The following NF2 variants were observed in gnomAD, a reference collection of about 807,000 sequenced individuals.
NF2 encodes merlin.
A neutral mutation model predicts 83.7 loss-of-function variants in NF2; 8 were observed. The ratio of observed to expected loss-of-function variants is 0.10; its 90% confidence interval spans 0.06 to 0.17. NF2 has a LOEUF of 0.17. NF2 is among the 10% of genes least tolerant of loss of function. The pLI is 1.00. For missense variants in NF2, 533 were observed against 744.4 expected (o/e 0.72, Z 3.31); for synonymous variants, 266 against 269.6 (o/e 0.99, Z 0.13).
chr22:29,612,899 C>T (rs1003010598), intron 1 of NF2, among the ~76,000 whole-genome samples: 1 of 151,590 alleles, frequency 6.6e-6, no homozygotes, highest in Non-Finnish European at 1.5e-5. Flanking sequence ...AGTTCAAGAC[C>T]AGCCTGGCCA....
In NF2 at chr22:29,639,074, C is replaced by T. The variant is rs770116644; in HGVS notation, c.241-16C>T. The T allele has an allele frequency of 1.2e-6, 2 of 1,614,194 alleles. No individual in the cohort carries two copies. The highest frequency in any genetic ancestry group is 2.2e-5 in the East Asian group (1 of 44,888). ...GCCAATATAGTGTGTTTGTCTTTTG[C>T]TCTGCAATTCTGCAGGTACTGGATC... On this transcript the variant is annotated splice_polypyrimidine_tract_variant and intron_variant, in intron 2 of 15. Transcript: ENST00000338641.
At chr22:29,682,241 A>G (rs977170877) in intron 15 of NF2, among the ~76,000 whole-genome samples, 8 of 152,130 alleles carry the variant, frequency 5.3e-5, no homozygotes, top group African/African-American at 1.9e-4. Context: ...GGGTCCTCTC[A>G]TACCAAATAA....
chr22:29,608,065 C>T lies in NF2; in HGVS notation c.114+3953C>T, dbSNP rs1315397104. On this transcript the variant is annotated intron_variant, in intron 1 of 15. Transcript: ENST00000338641. ...GCCGGCACCTGTAGTCCCAGCTACG[C>T]GGGAGGCTGAGGCAGGAGAATTCCT... 5.8e-5 allele frequency among the ~76,000 whole-genome samples: 8 copies of T among 136,796 alleles called. No homozygotes were observed. In the South Asian group the frequency reaches 1.3e-3, roughly 22 times the overall value. 89.7% of individuals were successfully genotyped at this position (136,796 alleles called of 152,430 possible).
Position 29,696,066 on chromosome 22 carries a change from CTTTTTTTT to C in NF2, c.*1280_*1287del, listed in dbSNP as rs886057354. 10 of 155,950 alleles carry C rather than the reference CTTTTTTTT, an allele frequency of 6.4e-5. No homozygotes were observed. The highest frequency in any genetic ancestry group is 2.9e-4 in the South Asian group (1 of 3,502). 9.7% of individuals were successfully genotyped at this position (155,950 alleles called of 1,614,324 possible). A position where few individuals can be genotyped will look rare whatever the true frequency, so the allele number is the denominator to read the frequency against. ...GTCTGGGGCCACCTTCTTGCCCTTTCTTTTTTTTTTTTTTTTTTTTTTTCCGAGATGGA... is the reference window on the plus strand; with the variant it reads ...GTCTGGGGCCACCTTCTTGCCCTTTCTTTTTTTTTTTTTTTCCGAGATGGA... On this transcript the variant is annotated 3_prime_UTR_variant, in exon 16 of 16. Coordinates refer to ENST00000338641, the MANE Select transcript of NF2 (RefSeq NM_000268.4).
At chr22:29,607,486 T>G (rs1472780475) in intron 1 of NF2, among the ~76,000 whole-genome samples, 1 of 152,164 alleles carries the variant, frequency 6.6e-6, no homozygotes, top group African/African-American at 2.4e-5. Context: ...GAAATGGATT[T>G]CACTCAAATA....
intron 1 of NF2, among the ~76,000 whole-genome samples, chr22:29,621,072 T>C (rs1260778382): frequency 2.0e-5 from 3 of 152,142 alleles, no homozygotes; most frequent in African/African-American, 7.2e-5. Context: ...AGTGAGAGAA[T>C]AGGGAGAATA....
chr22:29,652,080 G>A (rs919974743), intron 4 of NF2, among the ~76,000 whole-genome samples: 11 of 152,028 alleles, frequency 7.2e-5, no homozygotes, highest in Non-Finnish European at 1.3e-4. Context: ...TCCCCTATAA[G>A]GCAGATGCTA....
rs753300935 is a variant in NF2, at chr22:29,661,299, C to G, written c.770C>G (p.Pro257Arg). The change falls in exon 8 of 16, where the codon CCG (proline) becomes CGG (arginine). Residue 257 changes from proline (P) to arginine (R), a missense_variant. Physicochemically the swap from Pro to Arg is moderately radical, Grantham distance 103. Transcript: ENST00000338641. ...AGACTGACCCCCAAGATCTCCTTCC[C>G]GTGGAATGAAATCCGAAACATCTCG... ...ENRLTPKISF[P>R]WNEIRNISYS... The G allele has an allele frequency of 1.2e-6, 2 of 1,614,204 alleles. No individual in the cohort carries two copies. The highest frequency in any genetic ancestry group is 1.7e-6 in the Non-Finnish European group (2 of 1,180,046).
At chr22:29,648,193 C>T (rs2066039277) in intron 4 of NF2, among the ~76,000 whole-genome samples, 2 of 151,406 alleles carry the variant, frequency 1.3e-5, no homozygotes, top group Non-Finnish European at 1.5e-5. Context: ...AGGTAGGTGT[C>T]TAGAAGAAGA....
At position 29,631,624 on chromosome 22, in the gene NF2, A is replaced by G. The variant is rs529428118; in HGVS notation, c.115-5127A>G. On this transcript the variant is annotated intron_variant, in intron 1 of 15. Coordinates refer to ENST00000338641, the MANE Select transcript of NF2 (RefSeq NM_000268.4). Reference sequence around the variant, plus strand: ...TGGTGCCCTTTGTGATCTGTCATCCATCATCCTTGGTGTGAAGCAGGGCTG... The same window carrying G: ...TGGTGCCCTTTGTGATCTGTCATCCGTCATCCTTGGTGTGAAGCAGGGCTG... Among the ~76,000 whole-genome samples, 9 of 152,326 alleles carry G rather than the reference A, an allele frequency of 5.9e-5. No individual in the cohort carries two copies. The South Asian group carries it at 1.7e-3, about 28-fold the overall frequency.
chr22:29,645,617 C>T (rs2065962091), intron 4 of NF2, among the ~76,000 whole-genome samples: 1 of 152,160 alleles, frequency 6.6e-6, no homozygotes, highest in Non-Finnish European at 1.5e-5. Flanking sequence ...GAGTTGAGTT[C>T]CTTTTCGCAC....
At chr22:29,655,506 G>A (rs2066273530) in intron 5 of NF2, 88 bp from the exon 6 acceptor site, 13 of 963,246 alleles carry the variant, frequency 1.3e-5, no homozygotes, top group Non-Finnish European at 2.0e-5. Context: ...TTACTGTTTT[G>A]TAAAAATGAT....
intron 12 of NF2, 99 bp from the exon 13 acceptor site, chr22:29,674,737 C>T: frequency 9.9e-7 from 1 of 1,014,818 alleles, no homozygotes; most frequent in Non-Finnish European, 1.5e-6. Flanking sequence ...GTGCCATCCT[C>T]AGGGTTAGCC....
rs1601613495 is a variant in NF2 at position 29,655,602 on chromosome 22, T to A, written c.525T>A (p.Asn175Lys). 1 of 1,613,714 alleles carries A rather than the reference T, an allele frequency of 6.2e-7. No homozygotes were observed. Among genetic ancestry groups the A allele is most frequent in the East Asian group, 2.2e-5 (1 of 44,882 alleles). ...QEELLPKRVINLYQMTPEMWE... is the reference protein window; with the variant it reads ...QEELLPKRVIKLYQMTPEMWE... ...GCTCTATTTTTTGGTAGGTAATAAATCTGTATCAGATGACTCCGGAAATGT... is the reference window on the plus strand; with the variant it reads ...GCTCTATTTTTTGGTAGGTAATAAAACTGTATCAGATGACTCCGGAAATGT... The change falls in exon 6 of 16, where the codon AAT becomes AAA. Residue 175 changes from asparagine to lysine, a missense_variant. By Grantham distance (94) the Asn-to-Lys change is moderately conservative. Coordinates refer to ENST00000338641, the MANE Select transcript of NF2 (RefSeq NM_000268.4).
At chr22:29,627,771 C>G (rs1454002077) in intron 1 of NF2, among the ~76,000 whole-genome samples, 1 of 152,108 alleles carries the variant, frequency 6.6e-6, no homozygotes, top group African/African-American at 2.4e-5. Flanking sequence ...TTAAAAGCTC[C>G]ATTTTGTGGC....
chr22:29,696,173 A>G lies in NF2; in HGVS notation c.*1371A>G. On this transcript the variant is annotated 3_prime_UTR_variant, in exon 16 of 16. Transcript: ENST00000338641. The stretch of plus-strand genomic sequence containing the variant: ...ACTGCAACCTCCACCTCCTGAGTTC[A>G]AGCAATTCTCCTGCCTCAGCCTCCC... The G allele has an allele frequency of 4.6e-6, 1 of 219,056 alleles. No homozygotes were observed. The highest frequency in any genetic ancestry group is 9.0e-6 in the Non-Finnish European group (1 of 111,040). 13.6% of individuals were successfully genotyped at this position (219,056 alleles called of 1,614,324 possible).
At chr22:29,645,263 A>G (rs1312005920) in intron 4 of NF2, among the ~76,000 whole-genome samples, 1 of 152,152 alleles carries the variant, frequency 6.6e-6, no homozygotes, top group African/African-American at 2.4e-5. Flanking sequence ...GGGAGAGAGC[A>G]TGAGAGTTGT....
intron 9 of NF2, among the ~76,000 whole-genome samples, chr22:29,666,213 T>C: frequency 6.6e-6 from 1 of 152,074 alleles, no homozygotes; most frequent in Non-Finnish European, 1.5e-5. Context: ...CAATCTCGGC[T>C]CACTGCAACC....
intron 1 of NF2, among the ~76,000 whole-genome samples, chr22:29,625,985 T>A (rs2065356896): frequency 6.6e-6 from 1 of 152,188 alleles, no homozygotes; most frequent in Non-Finnish European, 1.5e-5. Flanking sequence ...CAGATAAAAC[T>A]TAAAACTGAA....
Sources: allele counts gnomAD v4.1 joint callset (sites outside exome capture counted in the v4.1 genomes callset), GRCh38; gene constraint gnomAD v4.1.1; transcripts MANE v1.5; gene names NCBI Gene and HGNC (gene_info 2026-07-23, HGNC 2026-07-21).